PRPS1: variants seen among roughly 807,000 people sequenced by gnomAD.
PRPS1 encodes phosphoribosyl pyrophosphate synthetase 1.
A neutral mutation model predicts 16.9 loss-of-function variants in PRPS1; 1 was observed. The observed-to-expected ratio is 0.06, with a 90% CI of 0.02 to 0.28. The LOEUF (loss-of-function observed/expected upper bound fraction) is 0.28, where lower values mean the gene tolerates loss of function less well. PRPS1 is among the 10% of genes least tolerant of loss of function. The pLI, the probability that PRPS1 is intolerant of heterozygous loss-of-function variation, is 1.00. For missense variants in PRPS1, 47 were observed against 254.0 expected, an observed-to-expected ratio of 0.19 and a Z score of 5.54; for synonymous variants, 70 against 90.2, an observed-to-expected ratio of 0.78 and a Z score of 1.27.
At chrX:107,629,909 C>T (rs890585053) in intron 1 of PRPS1, 3 of 112,555 alleles carry the variant, frequency 2.7e-5, no homozygotes, top group African/African-American at 9.7e-5. Context: ...AAGTTTTCAC[C>T]TAATAATCAG....
In PRPS1 at chrX:107,638,723, A is replaced by ATATTT. The variant is rs749021712; in HGVS notation, c.123-550_123-546dup. On this transcript the variant is annotated intron_variant, in intron 1 of 6. Transcript: ENST00000372435. The stretch of plus-strand genomic sequence containing the variant: ...GAGCCACCATGCCAGGCCCTCCCAT[A>ATATTT]TATTTTATTTTATTTTATTTTATTT... Among the ~76,000 whole-genome samples, 595 of 108,657 alleles carry ATATTT rather than the reference A, an allele frequency of 5.5e-3. 5 individuals are homozygous for ATATTT. Among genetic ancestry groups the ATATTT allele is most frequent in the African/African-American group, 0.019 (568 of 29,701 alleles). 94.4% of individuals were successfully genotyped at this position (108,657 alleles called of 115,157 possible). A position where few individuals can be genotyped will look rare whatever the true frequency, so the allele number is the denominator to read the frequency against.
chrX:107,633,421 CAAA>C (rs1182721428), intron 1 of PRPS1, among the ~76,000 whole-genome samples: 1 of 32,947 alleles, frequency 3.0e-5, no homozygotes, highest in African/African-American at 9.2e-5. Context: ...GACTCCATCT[CAAA>C]AAAAAAAAAA....
chrX:107,649,589 G>T (rs901180318), intron 6 of PRPS1, among the ~76,000 whole-genome samples: 11 of 111,825 alleles, frequency 9.8e-5, no homozygotes, highest in African/African-American at 3.6e-4. Context: ...CGAGTAGCTG[G>T]GATTACAGGC....
At chrX:107,645,089 C>T in intron 4 of PRPS1, 88 bp from the exon 5 acceptor site, 4 of 1,065,739 alleles carry the variant, frequency 3.8e-6, no homozygotes, top group South Asian at 3.7e-5. Flanking sequence ...GCTGGGATTA[C>T]AGGCGTGAGC....
intron 5 of PRPS1, among the ~76,000 whole-genome samples, chrX:107,646,076 C>T (rs1422028347): frequency 9.0e-6 from 1 of 110,867 alleles, no homozygotes; most frequent in Non-Finnish European, 1.9e-5. Flanking sequence ...CCACTATGAG[C>T]AGCATTGTTT....
intron 1 of PRPS1, among the ~76,000 whole-genome samples, chrX:107,638,300 G>GT (rs2147680749): frequency 9.0e-6 from 1 of 111,318 alleles, no homozygotes; most frequent in Non-Finnish European, 1.9e-5. Flanking sequence ...GTAGAGATGG[G>GT]TTTTCACTGT....
At chrX:107,631,877 AG>A (rs1309744368) in intron 1 of PRPS1, among the ~76,000 whole-genome samples, 2 of 111,776 alleles carry the variant, frequency 1.8e-5, no homozygotes, top group Admixed American at 9.6e-5. Flanking sequence ...TAGTAGAGAC[AG>A]GGTTTCACCA....
intron 1 of PRPS1, among the ~76,000 whole-genome samples, chrX:107,635,652 C>T (rs775692710): frequency 1.8e-5 from 2 of 110,609 alleles, no homozygotes; most frequent in African/African-American, 3.3e-5. Flanking sequence ...TGGTCTCAAA[C>T]TCTTGGGCTC....
intron 1 of PRPS1, among the ~76,000 whole-genome samples, chrX:107,633,205 G>A (rs1292626831): frequency 7.4e-5 from 8 of 108,835 alleles, no homozygotes; most frequent in Non-Finnish European, 3.8e-5. Context: ...GGTGGATCAC[G>A]AGGTCAGGAG....
At chrX:107,645,393 T>C (rs764552298) in intron 5 of PRPS1, 43 bp downstream of exon 5, 15 of 1,199,572 alleles carry the variant, frequency 1.3e-5, no homozygotes, top group Non-Finnish European at 1.7e-5. Flanking sequence ...AGGAAAAAGC[T>C]AGCAATTGCT....
chrX:107,644,877 C>T (rs747824076), intron 4 of PRPS1, among the ~76,000 whole-genome samples: 34 of 110,618 alleles, frequency 3.1e-4, no homozygotes, highest in African/African-American at 9.2e-4. Flanking sequence ...TGCAGTGGCG[C>T]GATCTCAGCT....
chrX:107,635,775 T>C (rs995230777), intron 1 of PRPS1, among the ~76,000 whole-genome samples: 3 of 110,648 alleles, frequency 2.7e-5, no homozygotes, highest in African/African-American at 9.8e-5. Context: ...TAAAGAAAGA[T>C]CTGGGCCAGA....
intron 1 of PRPS1, chrX:107,636,593 G>A (rs1000729898): frequency 9.0e-6 from 1 of 110,894 alleles, no homozygotes; most frequent in Non-Finnish European, 1.9e-5. Flanking sequence ...TTGAGATGAG[G>A]GTCTTCCTGT....
intron 4 of PRPS1, 128 bp from the exon 5 acceptor site, chrX:107,645,049 T>C (rs774247329): frequency 5.6e-6 from 4 of 717,838 alleles, no homozygotes; most frequent in African/African-American, 2.1e-5. Context: ...CTCCTGACCT[T>C]GTGATCCGCC....
intron 5 of PRPS1, among the ~76,000 whole-genome samples, chrX:107,647,250 ACACT>A (rs1490014111): frequency 2.7e-5 from 3 of 112,410 alleles, no homozygotes; most frequent in African/African-American, 6.5e-5. Flanking sequence ...GCGTGCACAC[ACACT>A]CACACTCACA....
chrX:107,637,544 GAAATGAGA>G (rs1389481944), intron 1 of PRPS1, among the ~76,000 whole-genome samples: 1 of 111,362 alleles, frequency 9.0e-6, no homozygotes, highest in Non-Finnish European at 1.9e-5. Flanking sequence ...GTACCTATAT[GAAATGAGA>G]TACAGGCCAC....
intron 1 of PRPS1, chrX:107,630,278 T>C (rs1398188347): frequency 8.9e-6 from 1 of 112,485 alleles, no homozygotes; most frequent in Admixed American, 9.5e-5. Context: ...TTTAGAGGTT[T>C]TCTTTGGCCC....
chrX:107,644,755 T>C (rs1925652257), intron 4 of PRPS1, among the ~76,000 whole-genome samples: 2 of 111,980 alleles, frequency 1.8e-5, no homozygotes, highest in South Asian at 3.7e-4. Context: ...CTGGGAACTA[T>C]TGGTTTCAAG....
chrX:107,629,038 G>A (rs185415093), intron 1 of PRPS1, among the ~76,000 whole-genome samples: 92 of 111,459 alleles, frequency 8.3e-4, no homozygotes, highest in Non-Finnish European at 2.3e-4. Flanking sequence ...TGCATAGAGC[G>A]ACGAGAGGGG....
Sources: gnomAD v4.1 joint callset for allele counts (sites outside exome capture counted in the v4.1 genomes callset) on GRCh38, gnomAD v4.1.1 for gene constraint, MANE v1.5 for transcripts, NCBI Gene and HGNC (gene_info 2026-07-23, HGNC 2026-07-21) for gene names.